Variants in TENM3 observed in about 807,000 individuals in gnomAD.
TENM3 encodes the protein teneurin-3.
A neutral mutation model predicts 255.1 loss-of-function variants in TENM3; 63 were observed. The observed-to-expected ratio is 0.25, with a 90% CI of 0.20 to 0.30. TENM3 has a LOEUF of 0.30. TENM3 is among the 10% of genes least tolerant of loss of function. The pLI, the probability that TENM3 is intolerant of heterozygous loss-of-function variation, is 1.00. For missense variants in TENM3, 2,929 were observed against 3,461.1 expected (o/e 0.85, Z 3.86); for synonymous variants, 1,306 against 1,322.3 (o/e 0.99, Z 0.27).
chr4:182,100,798 C>CATATATAT, the TENM3 span, among the ~76,000 whole-genome samples: 1 of 12,736 alleles, frequency 7.9e-5, no homozygotes. Flanking sequence ...TATATATACA[C>CATATATAT]ATATATATAC....
chr4:182,606,084 A>C (rs1008511445), intron 4 of TENM3, among the ~76,000 whole-genome samples: 1 of 152,254 alleles, frequency 6.6e-6, no homozygotes, highest in African/African-American at 2.4e-5. Context: ...AACTTAGAGC[A>C]AATATTTAAA....
At chr4:182,615,028 G>GAAA (rs751141011) in intron 4 of TENM3, among the ~76,000 whole-genome samples, 164 of 89,040 alleles carry the variant, frequency 1.8e-3, no homozygotes, top group East Asian at 5.4e-3. Context: ...ATGTTTCTCA[G>GAAA]AAAAAAAAAA....
rs1554038354 is a variant in TENM3 at position 182,250,282 on chromosome 4, G to GACCTCATGATCCACCA, written c.-76+6821_-76+6822insAACCTCATGATCCACC. Among the ~76,000 whole-genome samples, 4 of 125,462 alleles carry GACCTCATGATCCACCA rather than the reference G, an allele frequency of 3.2e-5. 1 individual carries two copies. The highest frequency in any genetic ancestry group is 1.7e-4 in the African/African-American group (4 of 23,800). 82.3% of individuals were successfully genotyped at this position (125,462 alleles called of 152,430 possible). A position where few individuals can be genotyped will look rare whatever the true frequency, so the allele number is the denominator to read the frequency against. ...TTAGCCAGGATGGTCTCGATCTCCT[G>GACCTCATGATCCACCA]ACCTCATGATCCACCCGCCTTAGCC... On this transcript the variant is annotated intron_variant, in intron 1 of 27. Coordinates refer to ENST00000511685, the MANE Select transcript of TENM3 (RefSeq NM_001080477.4).
chr4:181,528,872 AACACACACACACAT>A, the TENM3 span, among the ~76,000 whole-genome samples: 20,140 of 152,038 alleles, frequency 0.13, 1,404 homozygotes, highest in East Asian at 0.2. Flanking sequence ...CTGATAACCA[AACACACACACACAT>A]ACACACACAC....
At chr4:182,397,234 A>AT (rs368532979) in intron 3 of TENM3, among the ~76,000 whole-genome samples, 33 of 107,666 alleles carry the variant, frequency 3.1e-4, no homozygotes, top group Non-Finnish European at 9.8e-5. Context: ...AGTTTTTAAC[A>AT]TAAAAAAAAA....
chr4:182,226,464 C>A (rs953512100), intron 1 of TENM3, among the ~76,000 whole-genome samples: 1 of 151,950 alleles, frequency 6.6e-6, no homozygotes, highest in African/African-American at 2.4e-5. Context: ...TGGTTCATCA[C>A]GAATAAAGAT....
At chr4:182,400,983 G>A (rs1272396897) in intron 3 of TENM3, among the ~76,000 whole-genome samples, 3 of 152,180 alleles carry the variant, frequency 2.0e-5, no homozygotes, top group African/African-American at 7.2e-5. Flanking sequence ...ACCCCGTGCT[G>A]CTGGTGCGTA....
At chr4:182,581,989 G>A (rs939071914) in intron 3 of TENM3, among the ~76,000 whole-genome samples, 26 of 152,062 alleles carry the variant, frequency 1.7e-4, no homozygotes, top group Admixed American at 3.3e-4. Context: ...ACAAAAGACC[G>A]CCCACATACT....
chr4:181,849,855 A>G, the TENM3 span, among the ~76,000 whole-genome samples: 1 of 151,858 alleles, frequency 6.6e-6, no homozygotes, highest in African/African-American at 2.4e-5. Context: ...CTTTAAGAGG[A>G]AGGCGGATTA....
chr4:181,891,302 T>C, the TENM3 span, among the ~76,000 whole-genome samples: 1 of 152,162 alleles, frequency 6.6e-6, no homozygotes, highest in Non-Finnish European at 1.5e-5. Context: ...TGAAACCTTG[T>C]CATCTTAAGA....
chr4:181,949,835 T>C, the TENM3 span, among the ~76,000 whole-genome samples: 1 of 152,114 alleles, frequency 6.6e-6, no homozygotes, highest in Non-Finnish European at 1.5e-5. Context: ...TGGTGGTCTA[T>C]GGTTGTGCCA....
Position 182,800,458 on chromosome 4 carries a change from A to G in TENM3, c.*107A>G. The stretch of plus-strand genomic sequence containing the variant: ...CAAGAGCCTTCCTCCCGGGGGAATG[A>G]GACTGCTGTTACGACCCACACCCAC... On this transcript the variant is annotated 3_prime_UTR_variant, in exon 28 of 28. Coordinates refer to ENST00000511685, the MANE Select transcript of TENM3 (RefSeq NM_001080477.4). 2 of 1,354,934 alleles carry G rather than the reference A, an allele frequency of 1.5e-6. No individual in the cohort carries two copies. The highest frequency in any genetic ancestry group is 2.0e-6 in the Non-Finnish European group (2 of 1,024,980). 83.9% of individuals were successfully genotyped at this position (1,354,934 alleles called of 1,614,324 possible). A position where few individuals can be genotyped will look rare whatever the true frequency, so the allele number is the denominator to read the frequency against.
Position 182,799,815 on chromosome 4 carries a change from A to G in TENM3, c.7564A>G (p.Ile2522Val). The part of the protein sequence containing the change: ...NVLNIANEDC[I>V]KVAAVLNNAF... ...GCTCAACATCGCCAACGAGGACTGC[A>G]TCAAGGTGGCGGCCGTGCTCAACAA... Residue 2522 changes from isoleucine (I) to valine (V), a missense_variant, in exon 28 of 28, where the codon ATC becomes GTC. Ile to Val is a conservative substitution (Grantham distance 29). Coordinates refer to ENST00000511685, the MANE Select transcript of TENM3 (RefSeq NM_001080477.4). The surrounding 1 kb of genome is among the most constrained non-coding windows in gnomAD (Gnocchi z 4.2). 1 of 1,609,194 alleles carries G rather than the reference A, an allele frequency of 6.2e-7. No homozygotes were observed. The highest frequency in any genetic ancestry group is 1.7e-5 in the Admixed American group (1 of 59,592).
chr4:181,595,764 C>G, the TENM3 span, among the ~76,000 whole-genome samples: 5 of 152,036 alleles, frequency 3.3e-5, no homozygotes, highest in Non-Finnish European at 5.9e-5. Context: ...ATCTTTTTGT[C>G]CCACACAGTA....
At chr4:181,589,790 T>A in the TENM3 span, among the ~76,000 whole-genome samples, 1 of 152,182 alleles carries the variant, frequency 6.6e-6, no homozygotes, top group African/African-American at 2.4e-5. Context: ...GGAGACTAGA[T>A]GATGGGTGAT....
chr4:182,144,636 G>GC (rs1190286413), upstream of TENM3: 7 of 146,380 alleles, frequency 4.8e-5, no homozygotes, highest in Non-Finnish European at 9.1e-5. Context: ...CCTCGGCGGG[G>GC]CCCCCCTCCC....
At chr4:182,032,833 T>C in the TENM3 span, among the ~76,000 whole-genome samples, 1 of 152,172 alleles carries the variant, frequency 6.6e-6, no homozygotes, top group Non-Finnish European at 1.5e-5. Context: ...CTAGTTTATT[T>C]GCATAGAGAT....
chr4:182,089,218 C>G, the TENM3 span, among the ~76,000 whole-genome samples: 1 of 152,178 alleles, frequency 6.6e-6, no homozygotes, highest in Non-Finnish European at 1.5e-5. Flanking sequence ...GCAGCCTGAA[C>G]AGATGAATAC....
At chr4:181,951,145 A>G in the TENM3 span, among the ~76,000 whole-genome samples, 2 of 152,200 alleles carry the variant, frequency 1.3e-5, no homozygotes, top group East Asian at 1.9e-4. Flanking sequence ...AGTTTTCTTT[A>G]TTAATTTCCC....
Sources: allele counts gnomAD v4.1 joint callset (sites outside exome capture counted in the v4.1 genomes callset), GRCh38; gene constraint gnomAD v4.1.1; non-coding constraint Gnocchi (gnomAD v3.1); transcripts MANE v1.5; gene names NCBI Gene and HGNC (gene_info 2026-07-23, HGNC 2026-07-21).